The following PPP1R18 variants were observed in gnomAD, a reference collection of about 807,000 sequenced individuals.
PPP1R18 encodes protein phosphatase 1 regulatory subunit 18.
Under a neutral mutation model 54.8 loss-of-function variants are expected in PPP1R18, and 31 were observed. The ratio of observed to expected loss-of-function variants is 0.57; its 90% confidence interval spans 0.43 to 0.76. The LOEUF (loss-of-function observed/expected upper bound fraction) is 0.76. Among genes scored for constraint, PPP1R18 ranks in the 30% least tolerant of loss-of-function variants. The pLI is 0.00. For missense variants in PPP1R18, 685 were observed against 776.1 expected (o/e 0.88, Z 1.39); for synonymous variants, 310 against 320.2 (o/e 0.97, Z 0.34).
At position 30,679,407 on chromosome 6, in the gene PPP1R18, AG is replaced by A; in HGVS notation, c.1612-19del. The stretch of plus-strand genomic sequence containing the variant: ...ATCTTAAGCTGAAGGAGGGAGAAAA[AG>A]GGGGCAGGAGGCAAGGTCAGCAGGG... On this transcript the variant is annotated intron_variant, in intron 1 of 2. Transcript: ENST00000274853. 1 of 1,251,310 alleles carries A rather than the reference AG, an allele frequency of 8.0e-7. No homozygotes were observed. 77.5% of individuals were successfully genotyped at this position (1,251,310 alleles called of 1,614,324 possible).
At chr6:30,680,731 T>C (rs1203926087) in intron 1 of PPP1R18, among the ~76,000 whole-genome samples, 1 of 152,022 alleles carries the variant, frequency 6.6e-6, no homozygotes, top group Non-Finnish European at 1.5e-5. Flanking sequence ...TCAGGAACTG[T>C]ATATGTTACT....
At position 30,684,117 on chromosome 6, in the gene PPP1R18, G is replaced by A. The variant is rs972931491; in HGVS notation, c.1611+291C>T. On this transcript the variant is annotated intron_variant, in intron 1 of 2. Coordinates refer to ENST00000274853, the MANE Select transcript of PPP1R18 (RefSeq NM_133471.4). This position sits in a 1 kb window ranked among gnomAD's most constrained non-coding sequence, Gnocchi z 6.0. ...CTCAGGAAAGGAAGGAAAGAAAAGG[G>A]GGTTGGAAACTCAGAGCCCAAGGGA... 6.6e-6 allele frequency among the ~76,000 whole-genome samples: 1 copy of A among 152,120 alleles called. No individual in the cohort carries two copies. Among genetic ancestry groups the A allele is most frequent in the African/African-American group, 2.4e-5 (1 of 41,400 alleles).
Position 30,684,584 on chromosome 6 carries a change from A to G in PPP1R18, c.1435T>C (p.Ser479Pro). ...GHTFTVNPRRSVPPATPATPT... is the reference protein window; with the variant it reads ...GHTFTVNPRRPVPPATPATPT... ...GTGGCTGGGGTCGCAGGGGGCACAG[A>G]CCGCCGGGGGTTGACGGTGAAGGTG... Residue 479 changes from serine (S) to proline (P), a missense_variant, in exon 1 of 3, where the codon TCT (serine) becomes CCT (proline). Physicochemically the swap from Ser to Pro is moderately conservative, Grantham distance 74 (BLOSUM62 -1). Coordinates refer to ENST00000274853, the MANE Select transcript of PPP1R18 (RefSeq NM_133471.4). This position sits in a 1 kb window ranked among gnomAD's most constrained non-coding sequence, Gnocchi z 6.0. The G allele has an allele frequency of 1.2e-6, 2 of 1,603,452 alleles. No homozygotes were observed.
At chr6:30,682,332 G>A (rs1770593289) in intron 1 of PPP1R18, among the ~76,000 whole-genome samples, 1 of 152,126 alleles carries the variant, frequency 6.6e-6, no homozygotes, top group Non-Finnish European at 1.5e-5. Flanking sequence ...TCTGGGGTAG[G>A]GCACCAGCCA....
intron 1 of PPP1R18, 74 bp from the exon 2 acceptor site, chr6:30,679,463 A>T: frequency 1.4e-5 from 1 of 70,226 alleles, no homozygotes; most frequent in East Asian, 3.6e-4. Flanking sequence ...AGGGAGAGAA[A>T]GCGGGGGCGG....
chr6:30,676,942 G>C lies in PPP1R18; in HGVS notation c.*327C>G, dbSNP rs1257513675. The C allele has an allele frequency of 2.0e-6, 1 of 495,480 alleles. No homozygotes were observed. Among genetic ancestry groups the C allele is most frequent in the African/African-American group, 2.0e-5 (1 of 49,886 alleles). The allele number at this position is 495,480 out of a possible 1,614,324, so 30.7% of individuals were successfully genotyped here. On this transcript the variant is annotated 3_prime_UTR_variant, in exon 3 of 3. Transcript: ENST00000274853. ...GGGATGGTGGGGAGGAAGGCTGTGG[G>C]GAGAGTGTACCCTGCCATGGGGGGC...
In PPP1R18 at chr6:30,682,229, T is replaced by TG. The variant is rs574523760; in HGVS notation, c.1611+2178dup. Among the ~76,000 whole-genome samples the TG allele has an allele frequency of 5.1e-3, 760 of 150,352 alleles. 4 individuals are homozygous for TG. Among genetic ancestry groups the TG allele is most frequent in the Middle Eastern group, 0.031 (9 of 292 alleles). ...CAGAAATGCACAGCCTGCATGGGAG[T>TG]GGGGGGGTAGAGAGGGGGTGACTCA... On this transcript the variant is annotated intron_variant, in intron 1 of 2. Transcript: ENST00000274853.
rs1770228402 is a variant in PPP1R18, at chr6:30,677,039, C to T, written c.*230G>A. 1 of 689,426 alleles carries T rather than the reference C, an allele frequency of 1.5e-6. No individual in the cohort carries two copies. The highest frequency in any genetic ancestry group is 2.8e-5 in the East Asian group (1 of 36,252). The allele number at this position is 689,426 out of a possible 1,614,324, so 42.7% of individuals were successfully genotyped here. On this transcript the variant is annotated 3_prime_UTR_variant, in exon 3 of 3. Coordinates refer to ENST00000274853, the MANE Select transcript of PPP1R18 (RefSeq NM_133471.4). The stretch of plus-strand genomic sequence containing the variant: ...GACTTGGCGCTCACTCTTGGATGAC[C>T]TAGGATGCACCAGCACGTTTAACCC...
At chr6:30,677,879 C>G (rs1363213694) in intron 2 of PPP1R18, among the ~76,000 whole-genome samples, 1 of 150,332 alleles carries the variant, frequency 6.7e-6, no homozygotes, top group Non-Finnish European at 1.5e-5. Context: ...AATAAAATTA[C>G]TTAATATTTT....
Position 30,683,161 on chromosome 6 carries a change from T to C in PPP1R18, c.1611+1247A>G, listed in dbSNP as rs758169315. Among the ~76,000 whole-genome samples the C allele has an allele frequency of 6.6e-6, 1 of 152,198 alleles. No individual in the cohort carries two copies. The highest frequency in any genetic ancestry group is 1.5e-5 in the Non-Finnish European group (1 of 68,028). On this transcript the variant is annotated intron_variant, in intron 1 of 2. Coordinates refer to ENST00000274853, the MANE Select transcript of PPP1R18 (RefSeq NM_133471.4). This position sits in a 1 kb window ranked among gnomAD's most constrained non-coding sequence, Gnocchi z 5.1. ...AGTCCCTGTGGTTCCCCACTGACAC[T>C]GAGGACACAAAAAAATCAAATCTGA...
upstream of PPP1R18, chr6:30,688,349 T>G: frequency 2.3e-6 from 1 of 442,758 alleles, no homozygotes. This position sits in a 1 kb window ranked among gnomAD's most constrained non-coding sequence, Gnocchi z 5.9. Context: ...AGGGGAGTGG[T>G]CAGGGCAGAT....
In PPP1R18 at chr6:30,684,913, G is replaced by A. The variant is rs764575421; in HGVS notation, c.1106C>T (p.Pro369Leu). ...CTCCCCTTCTCCAGCCTCCACACCG[G>A]GAGATTCCAGAAGCTTCTCTGCTGA... ...PESAEKLLES[P>L]GVEAGEGEAE... Residue 369 changes from proline (P) to leucine (L), a missense_variant, in exon 1 of 3, where the codon CCC becomes CTC. Coordinates refer to ENST00000274853, the MANE Select transcript of PPP1R18 (RefSeq NM_133471.4). The surrounding 1 kb of genome is among the most constrained non-coding windows in gnomAD (Gnocchi z 6.0). 4.3e-6 allele frequency: 7 copies of A among 1,612,996 alleles called. No homozygotes were observed. Among genetic ancestry groups the A allele is most frequent in the Non-Finnish European group, 5.9e-6 (7 of 1,180,026 alleles).
chr6:30,685,663 G>A lies in PPP1R18; in HGVS notation c.356C>T (p.Ala119Val). The change falls in exon 1 of 3, where the codon GCC becomes GTC. Residue 119 changes from alanine to valine, a missense_variant. By Grantham distance (64) the Ala-to-Val change is moderately conservative (BLOSUM62 0). Transcript: ENST00000274853. The surrounding 1 kb of genome is among the most constrained non-coding windows in gnomAD (Gnocchi z 5.0). ...CCCAGGGCTGGGTCTCCGCTCCCGG[G>A]CCTCCAGAGGCCCAGGCTTTCTCTC... Reference protein sequence around the residue: ...LAERKPGPLEARERRPSPGEM... With the variant: ...LAERKPGPLEVRERRPSPGEM... 6.2e-7 allele frequency: 1 copy of A among 1,613,050 alleles called. No homozygotes were observed. The highest frequency in any genetic ancestry group is 8.5e-7 in the Non-Finnish European group (1 of 1,180,028).
At position 30,679,339 on chromosome 6, in the gene PPP1R18, G is replaced by A; in HGVS notation, c.1662C>T (p.Pro554=). ...ETALETTYQY[P]SESSVLEELG... Reference sequence around the variant, plus strand: ...GCTCCTCCAGTACCGAACTCTCGGAGGGGTATTGGTACGTGGTCTCCAGGG... The same window carrying A: ...GCTCCTCCAGTACCGAACTCTCGGAAGGGTATTGGTACGTGGTCTCCAGGG... Residue 554 remains proline (P), a synonymous_variant, in exon 2 of 3, where the codon CCC becomes CCT. Coordinates refer to ENST00000274853, the MANE Select transcript of PPP1R18 (RefSeq NM_133471.4). 6.4e-7 allele frequency: 1 copy of A among 1,562,488 alleles called. No homozygotes were observed. The highest frequency in any genetic ancestry group is 8.7e-7 in the Non-Finnish European group (1 of 1,154,510).
At chr6:30,682,218 C>T (rs1770586929) in intron 1 of PPP1R18, among the ~76,000 whole-genome samples, 1 of 152,188 alleles carries the variant, frequency 6.6e-6, no homozygotes, top group African/African-American at 2.4e-5. Flanking sequence ...AATGCACAGC[C>T]TGCATGGGAG....
Position 30,686,252 on chromosome 6 carries a change from G to A in PPP1R18, c.-234C>T, listed in dbSNP as rs372759859. 41 of 521,170 alleles carry A rather than the reference G, an allele frequency of 7.9e-5. No individual in the cohort carries two copies. Among genetic ancestry groups the A allele is most frequent in the Non-Finnish European group, 5.4e-5 (16 of 296,958 alleles). The allele number at this position is 521,170 out of a possible 1,614,324, so 32.3% of individuals were successfully genotyped here. On this transcript the variant is annotated 5_prime_UTR_variant, in exon 1 of 3. Transcript: ENST00000274853. ...GAGAAGTTGTGAGCCCAAGTTGGGG[G>A]TGGTGGGGGTGATGTGAGAGGAAGA...
rs373149117 is a variant in PPP1R18, at chr6:30,685,897, C to A, written c.122G>T (p.Arg41Leu). ...GGCCCGGCGGCGCTCCAGGAGCCCT[C>A]GTTTCCAGGCTGGCATCTGGGACAG... ...ERLSQMPAWK[R>L]GLLERRRAKL... is the part of the protein sequence containing the mutation. The change falls in exon 1 of 3, where the codon CGA becomes CTA. Residue 41 changes from arginine to leucine, a missense_variant. Physicochemically the swap from Arg to Leu is moderately radical, Grantham distance 102. Transcript: ENST00000274853. The surrounding 1 kb of genome is among the most constrained non-coding windows in gnomAD (Gnocchi z 5.0). 2.5e-6 allele frequency: 4 copies of A among 1,610,584 alleles called. No individual in the cohort carries two copies. Among genetic ancestry groups the A allele is most frequent in the African/African-American group, 1.3e-5 (1 of 75,070 alleles).
upstream of PPP1R18, chr6:30,687,467 C>G (rs1475024029): frequency 6.6e-6 from 1 of 152,624 alleles, no homozygotes; most frequent in Non-Finnish European, 1.5e-5. The surrounding 1 kb of genome is among the most constrained non-coding windows in gnomAD (Gnocchi z 7.9). Flanking sequence ...CCCTCACCAG[C>G]TTCCCGCCCG....
chr6:30,679,578 T>G (rs1412919050), intron 1 of PPP1R18, among the ~76,000 whole-genome samples, 189 bp from the exon 2 acceptor site: 1 of 152,014 alleles, frequency 6.6e-6, no homozygotes, highest in Non-Finnish European at 1.5e-5. Flanking sequence ...GGGATCCAGT[T>G]TTCCTTTCCA....
Sources: gnomAD v4.1 joint callset for allele counts (sites outside exome capture counted in the v4.1 genomes callset) on GRCh38, gnomAD v4.1.1 for gene constraint, Gnocchi (gnomAD v3.1) non-coding constraint, MANE v1.5 for transcripts, NCBI Gene and HGNC (gene_info 2026-07-23, HGNC 2026-07-21) for gene names.